EXOC6B: variants seen among roughly 807,000 people sequenced by gnomAD.
EXOC6B encodes the protein exocyst complex component 6B.
In EXOC6B, 54 loss-of-function variants were observed where a neutral mutation model predicts 113.5. The observed-to-expected ratio is 0.48, with a 90% CI of 0.38 to 0.60. The LOEUF (loss-of-function observed/expected upper bound fraction) is 0.60, where lower values mean the gene tolerates loss of function less well. Among genes scored for constraint, EXOC6B ranks in the 20% least tolerant of loss-of-function variants. The pLI is 0.00. For missense variants in EXOC6B, 797 were observed against 977.5 expected, an observed-to-expected ratio of 0.82 and a Z score of 2.46; for synonymous variants, 357 against 339.0, an observed-to-expected ratio of 1.05 and a Z score of -0.58.
At chr2:72,377,382 T>C (rs1691422247) in intron 19 of EXOC6B, among the ~76,000 whole-genome samples, 1 of 152,150 alleles carries the variant, frequency 6.6e-6, no homozygotes, top group Non-Finnish European at 1.5e-5. Context: ...GAAATCAGTT[T>C]GTCAAAAAGA....
At chr2:72,787,491 T>C (rs975517973) in intron 1 of EXOC6B, among the ~76,000 whole-genome samples, 2 of 152,068 alleles carry the variant, frequency 1.3e-5, no homozygotes, top group Admixed American at 1.3e-4. Context: ...TGAGCCACAG[T>C]GCCCGGCCTC....
intron 19 of EXOC6B, among the ~76,000 whole-genome samples, chr2:72,338,223 T>G (rs950120944): frequency 5.9e-5 from 9 of 152,210 alleles, no homozygotes; most frequent in African/African-American, 2.2e-4. Flanking sequence ...AGTGCTGCTA[T>G]GAGGATTAAA....
intron 1 of EXOC6B, among the ~76,000 whole-genome samples, chr2:72,745,995 T>G (rs1681669361): frequency 6.6e-6 from 1 of 152,086 alleles, no homozygotes; most frequent in Non-Finnish European, 1.5e-5. Flanking sequence ...TAACATTCCT[T>G]GAAATGATGT....
chr2:72,271,828 A>C (rs1292641830), intron 20 of EXOC6B, among the ~76,000 whole-genome samples: 1 of 152,046 alleles, frequency 6.6e-6, no homozygotes, highest in Non-Finnish European at 1.5e-5. Flanking sequence ...AGCAAAGCCA[A>C]GTCAAAACAA....
intron 8 of EXOC6B, among the ~76,000 whole-genome samples, chr2:72,534,637 A>C (rs1441652921): frequency 6.6e-6 from 1 of 152,188 alleles, no homozygotes; most frequent in East Asian, 1.9e-4. Flanking sequence ...CGTCATACCT[A>C]GTATGTACTA....
chr2:72,292,466 A>C (rs538527365), intron 20 of EXOC6B, among the ~76,000 whole-genome samples: 1 of 150,784 alleles, frequency 6.6e-6, no homozygotes, highest in Non-Finnish European at 1.5e-5. Flanking sequence ...CAGTTAACTG[A>C]TGGTTGGTAC....
chr2:72,438,300 A>C (rs1236159316), intron 18 of EXOC6B, among the ~76,000 whole-genome samples: 1 of 151,744 alleles, frequency 6.6e-6, no homozygotes, highest in Admixed American at 6.6e-5. Context: ...TGTAGCTATC[A>C]ATCTTTGTGG....
At chr2:72,274,811 C>T (rs1412860786) in intron 20 of EXOC6B, among the ~76,000 whole-genome samples, 2 of 152,088 alleles carry the variant, frequency 1.3e-5, no homozygotes, top group Non-Finnish European at 2.9e-5. Context: ...GTCAAAAGCA[C>T]AGAGTGAAGC....
intron 18 of EXOC6B, among the ~76,000 whole-genome samples, chr2:72,384,341 C>T (rs755234066): frequency 1.7e-4 from 26 of 151,814 alleles, no homozygotes; most frequent in Admixed American, 3.3e-4. Context: ...AAGCTCTCAA[C>T]GAATTAGGTA....
At chr2:72,547,935 A>T (rs1212619266) in intron 8 of EXOC6B, among the ~76,000 whole-genome samples, 6 of 152,188 alleles carry the variant, frequency 3.9e-5, no homozygotes, top group Non-Finnish European at 7.3e-5. Flanking sequence ...GATATTTTAT[A>T]TCCTGCCCCT....
chr2:72,550,297 A>G (rs905782377), intron 8 of EXOC6B, among the ~76,000 whole-genome samples: 1 of 152,190 alleles, frequency 6.6e-6, no homozygotes. Flanking sequence ...GATAACAAAG[A>G]AAGAGAGGTA....
At chr2:72,769,990 A>C (rs1683320890) in intron 1 of EXOC6B, among the ~76,000 whole-genome samples, 1 of 152,170 alleles carries the variant, frequency 6.6e-6, no homozygotes, top group African/African-American at 2.4e-5. Context: ...CAAGAACTTT[A>C]ATTTCAACCA....
chr2:72,732,399 T>G (rs1253230950), intron 3 of EXOC6B, among the ~76,000 whole-genome samples: 1 of 151,930 alleles, frequency 6.6e-6, no homozygotes, highest in East Asian at 1.9e-4. Context: ...TGGCCTCAAG[T>G]GATCCTCCCA....
At chr2:72,377,556 G>A (rs1691430731) in intron 19 of EXOC6B, among the ~76,000 whole-genome samples, 1 of 152,180 alleles carries the variant, frequency 6.6e-6, no homozygotes, top group Admixed American at 6.5e-5. Context: ...CCTGTCATTT[G>A]TGACAACATG....
chr2:72,378,671 T>C (rs1423667136), intron 19 of EXOC6B, among the ~76,000 whole-genome samples: 1 of 152,054 alleles, frequency 6.6e-6, no homozygotes, highest in African/African-American at 2.4e-5. Flanking sequence ...TTTCCATACA[T>C]CAAAAGTCAA....
intron 2 of EXOC6B, among the ~76,000 whole-genome samples, chr2:72,739,447 T>C (rs1227237120): frequency 2.6e-5 from 4 of 152,134 alleles, no homozygotes; most frequent in African/African-American, 9.6e-5. Context: ...TATAAGGATA[T>C]CAACAATTTG....
Position 72,515,132 on chromosome 2 carries a change from A to G in EXOC6B, c.916-6T>C, listed in dbSNP as rs1322228763. 6 of 1,591,218 alleles carry G rather than the reference A, an allele frequency of 3.8e-6. No homozygotes were observed. The East Asian group carries it at 1.4e-4, about 36-fold the overall frequency. ...TCAAATGTTTCCCGGGCACCCTGTA[A>G]ATAAAGAAAAGAAAATGGGTTGACA... is the stretch of plus-strand genomic sequence containing the variant. On this transcript the variant is annotated splice_polypyrimidine_tract_variant and splice_region_variant and intron_variant, in intron 8 of 21. Transcript: ENST00000272427.
At chr2:72,310,464 T>G (rs759412491) in intron 20 of EXOC6B, among the ~76,000 whole-genome samples, 3 of 152,194 alleles carry the variant, frequency 2.0e-5, no homozygotes, top group Non-Finnish European at 4.4e-5. Context: ...TCAAATCCCT[T>G]GCCTTTATTT....
intron 18 of EXOC6B, among the ~76,000 whole-genome samples, chr2:72,425,967 A>G: frequency 6.6e-6 from 1 of 152,146 alleles, no homozygotes; most frequent in African/African-American, 2.4e-5. Flanking sequence ...TTAAATCTTA[A>G]AAGTGTATCT....
Sources: gnomAD v4.1 joint callset for allele counts (sites outside exome capture counted in the v4.1 genomes callset) on GRCh38, gnomAD v4.1.1 for gene constraint, MANE v1.5 for transcripts, NCBI Gene and HGNC (gene_info 2026-07-23, HGNC 2026-07-21) for gene names.